F8: variants seen among roughly 807,000 people sequenced by gnomAD.
The protein encoded by F8 is coagulation factor VIII.
A neutral mutation model predicts 140.6 loss-of-function variants in F8; 12 were observed. That is an observed-to-expected ratio of 0.09 (90% confidence interval 0.05 to 0.14). The LOEUF is 0.14. Ranked by LOEUF, F8 falls within the 10% of genes least tolerant of loss-of-function variation. The pLI, the probability that F8 is intolerant of heterozygous loss-of-function variation, is 1.00. For synonymous variants in F8, 585 were observed against 614.6 expected, an observed-to-expected ratio of 0.95 and a Z score of 0.71; for missense variants, 1,354 against 1,720.7, an observed-to-expected ratio of 0.79 and a Z score of 3.77.
chrX:154,965,912 C>T, intron 9 of F8, 58 bp downstream of exon 9: 2 of 1,136,653 alleles, frequency 1.8e-6, no homozygotes, highest in Non-Finnish European at 2.4e-6. Context: ...ATTTTAGAAA[C>T]TCAAAACTCT....
chrX:154,980,755 C>T (rs1283072846), intron 6 of F8, among the ~76,000 whole-genome samples: 6 of 110,792 alleles, frequency 5.4e-5, no homozygotes, highest in Middle Eastern at 4.7e-3. Context: ...GTCAGGAGTT[C>T]GAGACCCAGC....
intron 6 of F8, among the ~76,000 whole-genome samples, chrX:154,976,714 G>T (rs1197091726): frequency 9.0e-6 from 1 of 110,593 alleles, no homozygotes; most frequent in East Asian, 2.8e-4. Context: ...AGAAAATGTG[G>T]CACATATACA....
rs34537569 is a variant in F8, at chrX:154,955,317, ATTT to A, written c.1753-1278_1753-1276del. On this transcript the variant is annotated intron_variant, in intron 11 of 25. Transcript: ENST00000360256. ...AGGCACACACCACCATGCCCAGCTAATTTTTTTTTTTTTTTTTTTTTTTTGTAG... is the reference window on the plus strand; with the variant it reads ...AGGCACACACCACCATGCCCAGCTAATTTTTTTTTTTTTTTTTTTTTGTAG... Among the ~76,000 whole-genome samples the A allele has an allele frequency of 7.5e-3, 500 of 66,826 alleles. 1 individual carries two copies. Among genetic ancestry groups the A allele is most frequent in the African/African-American group, 0.034 (481 of 14,002 alleles). The allele number at this position is 66,826 out of a possible 115,157, so 58.0% of individuals were successfully genotyped here.
chrX:154,858,502 T>A (rs989795706), intron 25 of F8, among the ~76,000 whole-genome samples: 2 of 112,502 alleles, frequency 1.8e-5, no homozygotes, highest in Non-Finnish European at 3.8e-5. Flanking sequence ...AATGGAGGTA[T>A]GGAAGAGTGT....
At chrX:154,886,319 CCCCGG>C in intron 22 of F8, 1 of 394,647 alleles carries the variant, frequency 2.5e-6, no homozygotes, top group Non-Finnish European at 2.9e-6. Flanking sequence ...CGTCGCCCCG[CCCCGG>C]CCCGCCCGCC....
intron 22 of F8, among the ~76,000 whole-genome samples, chrX:154,877,489 C>G (rs782386251): frequency 9.0e-6 from 1 of 111,644 alleles, no homozygotes; most frequent in East Asian, 2.8e-4. Context: ...GAAAAAGGAT[C>G]CTTTTCTTTT....
intron 22 of F8, chrX:154,881,905 A>G (rs1281561660): frequency 3.5e-6 from 1 of 285,618 alleles, no homozygotes; most frequent in African/African-American, 2.8e-5. Flanking sequence ...AACCATCTCT[A>G]TTCATAGATG....
At chrX:154,972,428 G>C in intron 6 of F8, among the ~76,000 whole-genome samples, 1 of 111,156 alleles carries the variant, frequency 9.0e-6, no homozygotes, top group Non-Finnish European at 1.9e-5. Context: ...TCAATCCCTT[G>C]TCAGATGTAT....
chrX:154,916,680 TCTCTC>T (rs1419512093), intron 14 of F8, among the ~76,000 whole-genome samples: 6 of 111,693 alleles, frequency 5.4e-5, no homozygotes, highest in African/African-American at 1.9e-4. Context: ...ATTTGGGTCT[TCTCTC>T]ATTTTTTTTC....
chrX:154,919,897 G>A (rs896418909), intron 14 of F8: 9 of 212,224 alleles, frequency 4.2e-5, no homozygotes, highest in Non-Finnish European at 5.5e-5. Context: ...TCCTAAGGGC[G>A]ACTCCTCAGC....
chrX:154,944,330 A>C (rs1395395933), intron 13 of F8, among the ~76,000 whole-genome samples: 2 of 109,929 alleles, frequency 1.8e-5, no homozygotes, highest in Non-Finnish European at 3.8e-5. Context: ...CAAGAAAAAA[A>C]CAAACAACCC....
intron 4 of F8, among the ~76,000 whole-genome samples, chrX:154,992,400 A>G (rs1208374864): frequency 1.8e-5 from 2 of 112,928 alleles, no homozygotes; most frequent in African/African-American, 3.2e-5. Context: ...GGTATAAATT[A>G]AAAACAGGTT....
At chrX:154,881,131 T>C (rs1182789881) in intron 22 of F8, among the ~76,000 whole-genome samples, 2 of 82,750 alleles carry the variant, frequency 2.4e-5, no homozygotes, top group East Asian at 3.4e-4. Flanking sequence ...CTCTGTTCTA[T>C]TCTCCACACA....
chrX:154,896,546 AAC>A (rs1242990767), intron 21 of F8, among the ~76,000 whole-genome samples: 1 of 108,368 alleles, frequency 9.2e-6, no homozygotes, highest in Non-Finnish European at 1.9e-5. Context: ...CATACACACA[AAC>A]ACACACACAC....
chrX:154,971,425 C>T (rs2073455867), intron 6 of F8, among the ~76,000 whole-genome samples: 1 of 110,891 alleles, frequency 9.0e-6, no homozygotes, highest in Non-Finnish European at 1.9e-5. Flanking sequence ...ATAAATAATT[C>T]TACAAATTTA....
At chrX:154,862,242 G>A (rs1482179924) in intron 23 of F8, among the ~76,000 whole-genome samples, 1 of 110,690 alleles carries the variant, frequency 9.0e-6, no homozygotes, top group African/African-American at 3.3e-5. Context: ...TAGCCAGGAT[G>A]GTCTTGATCT....
In F8 at chrX:154,957,675, G is replaced by C. The variant is rs57073858; in HGVS notation, c.1538-504C>G. Among the ~76,000 whole-genome samples, 1,095 of 110,311 alleles carry C rather than the reference G, an allele frequency of 9.9e-3. 15 individuals are homozygous for C. Among genetic ancestry groups the C allele is most frequent in the African/African-American group, 0.034 (1,047 of 30,357 alleles). On this transcript the variant is annotated intron_variant, in intron 10 of 25. Coordinates refer to ENST00000360256, the MANE Select transcript of F8 (RefSeq NM_000132.4). ...CATAGAAAGGGAATGGTGTTGAGGT[G>C]AGGAGTTCGAGACCAGCCTGGTCAA... is the stretch of plus-strand genomic sequence containing the variant.
chrX:154,876,645 C>A (rs1603432086), intron 22 of F8, among the ~76,000 whole-genome samples: 1 of 111,446 alleles, frequency 9.0e-6, no homozygotes, highest in East Asian at 2.8e-4. Context: ...CTGCTGCTCT[C>A]CTTTCTATAT....
chrX:154,936,705 T>C (rs1051999178), intron 13 of F8, among the ~76,000 whole-genome samples: 7 of 111,961 alleles, frequency 6.3e-5, no homozygotes, highest in African/African-American at 1.9e-4. Flanking sequence ...TATAAGGATT[T>C]TAAAAACATG....
Sources: allele counts gnomAD v4.1 joint callset (sites outside exome capture counted in the v4.1 genomes callset), GRCh38; gene constraint gnomAD v4.1.1; transcripts MANE v1.5; gene names NCBI Gene and HGNC (gene_info 2026-07-23, HGNC 2026-07-21).